PRKCE: variants seen among roughly 807,000 people sequenced by gnomAD.
PRKCE encodes protein kinase C epsilon type.
Under a neutral mutation model 85.4 loss-of-function variants are expected in PRKCE, and 16 were observed. That is an observed-to-expected ratio of 0.19 (90% confidence interval 0.13 to 0.28). The LOEUF (loss-of-function observed/expected upper bound fraction) is 0.28, where lower values mean the gene tolerates loss of function less well. PRKCE is among the 10% of genes least tolerant of loss of function. The pLI is 1.00. For missense variants in PRKCE, 573 were observed against 975.2 expected (o/e 0.59, Z 5.49); for synonymous variants, 388 against 371.5 (o/e 1.04, Z -0.51).
intron 4 of PRKCE, among the ~76,000 whole-genome samples, chr2:45,979,885 C>A (rs1343065966): frequency 1.3e-5 from 2 of 152,180 alleles, no homozygotes; most frequent in African/African-American, 4.8e-5. Context: ...CCGCCTGCTG[C>A]AGTTCCCCCT....
At chr2:45,844,333 C>A (rs1399033626) in intron 2 of PRKCE, among the ~76,000 whole-genome samples, 1 of 152,180 alleles carries the variant, frequency 6.6e-6, no homozygotes, top group Non-Finnish European at 1.5e-5. Context: ...CTCTTTATTG[C>A]AATTACATTT....
chr2:45,773,876 G>T (rs1365678700), intron 1 of PRKCE, among the ~76,000 whole-genome samples: 1 of 152,176 alleles, frequency 6.6e-6, no homozygotes, highest in Non-Finnish European at 1.5e-5. Flanking sequence ...GCCAGGCCTT[G>T]GGTAAGGTGC....
intron 1 of PRKCE, among the ~76,000 whole-genome samples, chr2:45,757,583 T>G (rs1684116150): frequency 6.6e-6 from 1 of 151,796 alleles, no homozygotes; most frequent in African/African-American, 2.4e-5. Context: ...AGGAGGATCA[T>G]TTGAGCCCAG....
At chr2:45,938,147 C>T (rs1271999919) in intron 2 of PRKCE, among the ~76,000 whole-genome samples, 1 of 152,146 alleles carries the variant, frequency 6.6e-6, no homozygotes, top group East Asian at 1.9e-4. Flanking sequence ...CTGTTCACAC[C>T]CACATAGAAC....
rs1361515737 is a variant in PRKCE at position 45,972,084 on chromosome 2, G to T, written c.413-4345G>T. Among the ~76,000 whole-genome samples the T allele has an allele frequency of 2.0e-5, 3 of 152,174 alleles. No individual in the cohort carries two copies. The East Asian group carries it at 5.8e-4, about 29-fold the overall frequency. On this transcript the variant is annotated intron_variant, in intron 2 of 14. Transcript: ENST00000306156. ...GTACAATTTTACATTCCCATGAACAGTGAACAAGCGTTCGCTCTTCTCCAC... is the reference window on the plus strand; with the variant it reads ...GTACAATTTTACATTCCCATGAACATTGAACAAGCGTTCGCTCTTCTCCAC...
chr2:46,152,656 C>G (rs529007426), intron 13 of PRKCE, among the ~76,000 whole-genome samples: 1 of 152,044 alleles, frequency 6.6e-6, no homozygotes, highest in Non-Finnish European at 1.5e-5. Context: ...TCAAGAGATT[C>G]TCCTGCCTCA....
intron 2 of PRKCE, among the ~76,000 whole-genome samples, chr2:45,868,967 AAAAAAAG>A (rs1187280660): frequency 1.3e-5 from 2 of 151,288 alleles, no homozygotes; most frequent in African/African-American, 4.8e-5. Flanking sequence ...CAAAAAAAAA[AAAAAAAG>A]AAAAAAGAAA....
chr2:45,697,245 G>A lies in PRKCE; in HGVS notation c.348+44797G>A, dbSNP rs180831738. ...GGGCCTGTGTAGGTGAAGAGGGGGCGCACCCCACTGGCTGGCCTGGCCCTC... is the reference window on the plus strand; with the variant it reads ...GGGCCTGTGTAGGTGAAGAGGGGGCACACCCCACTGGCTGGCCTGGCCCTC... On this transcript the variant is annotated intron_variant, in intron 1 of 14. Coordinates refer to ENST00000306156, the MANE Select transcript of PRKCE (RefSeq NM_005400.3). The surrounding 1 kb of genome is among the most constrained non-coding windows in gnomAD (Gnocchi z 4.2). Among the ~76,000 whole-genome samples the A allele has an allele frequency of 2.1e-3, 317 of 152,026 alleles. 4 individuals are homozygous for A. Among genetic ancestry groups the A allele is most frequent in the African/African-American group, 7.2e-3 (297 of 41,438 alleles).
At chr2:45,805,126 A>T (rs1349488300) in intron 1 of PRKCE, among the ~76,000 whole-genome samples, 1 of 152,182 alleles carries the variant, frequency 6.6e-6, no homozygotes, top group Admixed American at 6.5e-5. Flanking sequence ...TTCTTTTTAG[A>T]TACTGTTCTG....
intron 2 of PRKCE, among the ~76,000 whole-genome samples, chr2:45,884,563 A>G (rs1476371013): frequency 6.6e-6 from 1 of 152,150 alleles, no homozygotes; most frequent in Non-Finnish European, 1.5e-5. Context: ...CGACAATGTT[A>G]TAGGAATAAA....
At chr2:46,081,531 CAGAG>C (rs1669077930) in intron 10 of PRKCE, among the ~76,000 whole-genome samples, 1 of 152,138 alleles carries the variant, frequency 6.6e-6, no homozygotes, top group African/African-American at 2.4e-5. Flanking sequence ...AATGCTACAA[CAGAG>C]AGTGTAGCAC....
intron 1 of PRKCE, among the ~76,000 whole-genome samples, chr2:45,663,402 T>C (rs906680417): frequency 3.3e-5 from 5 of 152,182 alleles, no homozygotes; most frequent in Non-Finnish European, 5.9e-5. Context: ...GTTCTGCTAG[T>C]TGGCAGAGGC....
At chr2:45,684,105 A>G (rs1677104165) in intron 1 of PRKCE, among the ~76,000 whole-genome samples, 2 of 152,080 alleles carry the variant, frequency 1.3e-5, no homozygotes, top group African/African-American at 4.8e-5. Flanking sequence ...GTCAAGGGGG[A>G]GGTCTCTTTA....
At chr2:45,797,428 C>G (rs1417186188) in intron 1 of PRKCE, among the ~76,000 whole-genome samples, 1 of 152,220 alleles carries the variant, frequency 6.6e-6, no homozygotes, top group African/African-American at 2.4e-5. Flanking sequence ...GGACCCAGTT[C>G]CATGGTGCAC....
rs375477829 is a variant in PRKCE at position 45,885,002 on chromosome 2, T to TTTTTTTTTTG, written c.412+41941_412+41942insTTTTTTTGTT. Among the ~76,000 whole-genome samples, 114 of 97,660 alleles carry TTTTTTTTTTG rather than the reference T, an allele frequency of 1.2e-3. 5 individuals are homozygous for TTTTTTTTTTG. Among genetic ancestry groups the TTTTTTTTTTG allele is most frequent in the Middle Eastern group, 5.1e-3 (1 of 198 alleles). 64.1% of individuals were successfully genotyped at this position (97,660 alleles called of 152,430 possible). On this transcript the variant is annotated intron_variant, in intron 2 of 14. Transcript: ENST00000306156. Reference sequence around the variant, plus strand: ...ATATATATATATATATATATATATATTTGTTGTTGTTGTTGTTGTTTTACC... The same window carrying TTTTTTTTTTG: ...ATATATATATATATATATATATATATTTTTTTTTTGTTGTTGTTGTTGTTGTTGTTTTACC...
In PRKCE at chr2:45,895,083, T is replaced by A. The variant is rs554669299; in HGVS notation, c.412+52020T>A. Among the ~76,000 whole-genome samples the A allele has an allele frequency of 3.9e-5, 6 of 152,314 alleles. No individual in the cohort carries two copies. The highest frequency in any genetic ancestry group is 1.4e-4 in the African/African-American group (6 of 41,564). On this transcript the variant is annotated intron_variant, in intron 2 of 14. Transcript: ENST00000306156. The surrounding 1 kb of genome is among the most constrained non-coding windows in gnomAD (Gnocchi z 4.8). ...TGATTCCGTCTCTACCTGGGTAAACTTCAGAACTTAAGCATTAGTTGTGAG... is the reference window on the plus strand; with the variant it reads ...TGATTCCGTCTCTACCTGGGTAAACATCAGAACTTAAGCATTAGTTGTGAG...
chr2:45,797,450 T>C (rs570123431), intron 1 of PRKCE, among the ~76,000 whole-genome samples: 1 of 152,350 alleles, frequency 6.6e-6, no homozygotes, highest in Admixed American at 6.5e-5. Flanking sequence ...ACATACCTGT[T>C]CACTTGCAGA....
At chr2:46,095,181 G>A (rs933442623) in intron 11 of PRKCE, among the ~76,000 whole-genome samples, 3 of 152,158 alleles carry the variant, frequency 2.0e-5, no homozygotes, top group African/African-American at 7.2e-5. Flanking sequence ...ACTAATCTGG[G>A]TGGCCCACTT....
At chr2:46,037,093 A>G (rs974107007) in intron 10 of PRKCE, among the ~76,000 whole-genome samples, 2 of 151,860 alleles carry the variant, frequency 1.3e-5, no homozygotes, top group Non-Finnish European at 2.9e-5. Context: ...GCTGACTCAG[A>G]TTTTCCTGTA....
Sources: gnomAD v4.1 joint callset for allele counts (sites outside exome capture counted in the v4.1 genomes callset) on GRCh38, gnomAD v4.1.1 for gene constraint, Gnocchi (gnomAD v3.1) non-coding constraint, MANE v1.5 for transcripts, NCBI Gene and HGNC (gene_info 2026-07-23, HGNC 2026-07-21) for gene names.